The following PPP4R3A variants were observed in gnomAD, a reference collection of about 807,000 sequenced individuals.
PPP4R3A encodes serine/threonine-protein phosphatase 4 regulatory subunit 3A.
Under a neutral mutation model 91.7 loss-of-function variants are expected in PPP4R3A, and 15 were observed. That is an observed-to-expected ratio of 0.16 (90% confidence interval 0.11 to 0.25). PPP4R3A has a LOEUF of 0.25. PPP4R3A is among the 10% of genes least tolerant of loss of function. PPP4R3A has a pLI of 1.00. For missense variants in PPP4R3A, 623 were observed against 998.4 expected, an observed-to-expected ratio of 0.62 and a Z score of 5.07; for synonymous variants, 377 against 348.7, an observed-to-expected ratio of 1.08 and a Z score of -0.91.
intron 9 of PPP4R3A, among the ~76,000 whole-genome samples, chr14:91,472,064 C>CAAA (rs1567149453): frequency 2.5e-5 from 1 of 40,392 alleles, no homozygotes; most frequent in African/African-American, 1.0e-4. Flanking sequence ...GATTCTGTCT[C>CAAA]CAAAAAAAAA....
At chr14:91,471,401 T>C (rs891247704) in intron 9 of PPP4R3A, among the ~76,000 whole-genome samples, 1 of 152,314 alleles carries the variant, frequency 6.6e-6, no homozygotes, top group Non-Finnish European at 1.5e-5. Context: ...TTGGTGCAAT[T>C]ACTCTCTCTC....
In PPP4R3A at chr14:91,475,970, C is replaced by A. The variant is rs1364053395; in HGVS notation, c.1111-4G>T. On this transcript the variant is annotated splice_region_variant and splice_polypyrimidine_tract_variant and intron_variant, in intron 6 of 14. Coordinates refer to ENST00000554943, the MANE Select transcript of PPP4R3A (RefSeq NM_001366432.2). ...GCACCTGTGTATCATCCATGCCCTG[C>A]AGACAAAAAACATTTATTTTTCCTG... 1.3e-6 allele frequency: 2 copies of A among 1,495,526 alleles called. No individual in the cohort carries two copies. Among genetic ancestry groups the A allele is most frequent in the African/African-American group, 1.7e-5 (1 of 59,378 alleles). 92.6% of individuals were successfully genotyped at this position (1,495,526 alleles called of 1,614,324 possible). A position where few individuals can be genotyped will look rare whatever the true frequency, so the allele number is the denominator to read the frequency against.
At chr14:91,461,955 A>G in intron 13 of PPP4R3A, 94 bp downstream of exon 13, 2 of 1,417,530 alleles carry the variant, frequency 1.4e-6, no homozygotes, top group Non-Finnish European at 1.8e-6. Context: ...ATGCCATCAC[A>G]CCTTCCAAGC....
At chr14:91,468,698 GAA>G (rs1222506643) in intron 10 of PPP4R3A, among the ~76,000 whole-genome samples, 16 of 98,266 alleles carry the variant, frequency 1.6e-4, no homozygotes, top group African/African-American at 6.4e-4. Context: ...AAGGAAAAAA[GAA>G]AAAAAAGACC....
chr14:91,495,328 G>GTGTGTGTGTT (rs1325831512), intron 1 of PPP4R3A, among the ~76,000 whole-genome samples: 1 of 150,788 alleles, frequency 6.6e-6, no homozygotes, highest in African/African-American at 2.4e-5. Context: ...GTGTGTGTAT[G>GTGTGTGTGTT]TTTTTTTTTA....
chr14:91,509,035 G>T lies in PPP4R3A; in HGVS notation c.142+471C>A, dbSNP rs528494646. Among the ~76,000 whole-genome samples the T allele has an allele frequency of 3.6e-4, 55 of 152,156 alleles. No homozygotes were observed. The South Asian group carries it at 0.011, about 30-fold the overall frequency. On this transcript the variant is annotated intron_variant, in intron 1 of 14. Transcript: ENST00000554943. Reference sequence around the variant, plus strand: ...CATGTAGCAAAAAGATGTTTAAAAAGAAAAACAAAAAAAGCACAGCAAAAC... The same window carrying T: ...CATGTAGCAAAAAGATGTTTAAAAATAAAAACAAAAAAAGCACAGCAAAAC...
chr14:91,476,049 CAT>C lies in PPP4R3A; in HGVS notation c.1111-85_1111-84del, dbSNP rs1413673433. 2.7e-5 allele frequency: 37 copies of C among 1,363,880 alleles called. No individual in the cohort carries two copies. In the East Asian group the frequency reaches 3.6e-4, roughly 13 times the overall value. 84.5% of individuals were successfully genotyped at this position (1,363,880 alleles called of 1,614,324 possible). A position where few individuals can be genotyped will look rare whatever the true frequency, so the allele number is the denominator to read the frequency against. On this transcript the variant is annotated intron_variant, in intron 6 of 14. Coordinates refer to ENST00000554943, the MANE Select transcript of PPP4R3A (RefSeq NM_001366432.2). ...ATGTAAATATCCAAACCTAACAAAA[CAT>C]ATGAAAAAACTTCAATGTAAAAGAA...
chr14:91,458,967 A>AG, intron 14 of PPP4R3A, 98 bp from the exon 15 acceptor site: 1 of 1,344,750 alleles, frequency 7.4e-7, no homozygotes, highest in Non-Finnish European at 1.0e-6. Context: ...CTACCAACAT[A>AG]GTAACGGTGG....
Position 91,477,003 on chromosome 14 carries a change from A to G in PPP4R3A, c.916-17T>C, listed in dbSNP as rs1308781194. The G allele has an allele frequency of 6.4e-7, 1 of 1,570,144 alleles. No individual in the cohort carries two copies. Among genetic ancestry groups the G allele is most frequent in the Admixed American group, 1.8e-5 (1 of 55,608 alleles). On this transcript the variant is annotated splice_polypyrimidine_tract_variant and intron_variant, in intron 4 of 14. Transcript: ENST00000554943. ...TTCATCTTCCTGTGAAACAAAGGAC[A>G]AATGCAATTATGTTAATGCTAAGAT...
intron 14 of PPP4R3A, among the ~76,000 whole-genome samples, chr14:91,460,924 T>G (rs553993351): frequency 6.6e-6 from 1 of 152,336 alleles, no homozygotes; most frequent in South Asian, 2.1e-4. Flanking sequence ...CAGCCCTTGT[T>G]CATTTCTTAT....
At chr14:91,462,369 T>TA in intron 12 of PPP4R3A, 130 bp from the exon 13 acceptor site, 2 of 971,934 alleles carry the variant, frequency 2.1e-6, no homozygotes, top group Non-Finnish European at 2.8e-6. Context: ...TCAATGTAAA[T>TA]CCAGGTATTT....
In PPP4R3A at chr14:91,460,637, CTTTTTTTTTTT is replaced by C. The variant is rs573677740; in HGVS notation, c.2391+733_2391+743del. Among the ~76,000 whole-genome samples the C allele has an allele frequency of 3.6e-5, 4 of 111,282 alleles. No homozygotes were observed. The Admixed American group carries it at 4.3e-4, about 12-fold the overall frequency. 73.0% of individuals were successfully genotyped at this position (111,282 alleles called of 152,430 possible). A position where few individuals can be genotyped will look rare whatever the true frequency, so the allele number is the denominator to read the frequency against. ...TACATTTTTTCTTAAGATTTTGTTC[CTTTTTTTTTTT>C]TTTTTTTTGAGATGGAGTCTCGCTG... On this transcript the variant is annotated intron_variant, in intron 14 of 14. Coordinates refer to ENST00000554943, the MANE Select transcript of PPP4R3A (RefSeq NM_001366432.2).
At chr14:91,468,360 T>C (rs902115643) in intron 10 of PPP4R3A, among the ~76,000 whole-genome samples, 1 of 152,162 alleles carries the variant, frequency 6.6e-6, no homozygotes, top group African/African-American at 2.4e-5. Context: ...TCAGCTGCAT[T>C]GTCCTGACTC....
chr14:91,467,780 TAAG>T (rs1199560893), intron 10 of PPP4R3A, among the ~76,000 whole-genome samples: 1 of 152,176 alleles, frequency 6.6e-6, no homozygotes, highest in African/African-American at 2.4e-5. Context: ...GTATAATAAT[TAAG>T]CAGCAGCAAA....
At chr14:91,485,468 TTA>T (rs1889826411) in intron 3 of PPP4R3A, among the ~76,000 whole-genome samples, 162 bp downstream of exon 3, 1 of 152,204 alleles carries the variant, frequency 6.6e-6, no homozygotes, top group African/African-American at 2.4e-5. Context: ...GCTAGAGAGT[TTA>T]GTGTCAATAA....
rs1375628458 is a variant in PPP4R3A at position 91,485,488 on chromosome 14, C to T, written c.297+144G>A. The T allele has an allele frequency of 7.9e-6, 5 of 635,002 alleles. No individual in the cohort carries two copies. In the South Asian group the frequency reaches 8.2e-5, roughly 10 times the overall value. The allele number at this position is 635,002 out of a possible 1,614,324, so 39.3% of individuals were successfully genotyped here. On this transcript the variant is annotated intron_variant, in intron 3 of 14. Transcript: ENST00000554943. ...AGAGTTTAGTGTCAATAAATTACAC[C>T]TTCCTTTAAATCAAGTTCAAAGACA...
At chr14:91,459,702 G>A (rs2140058145) in intron 14 of PPP4R3A, among the ~76,000 whole-genome samples, 1 of 151,872 alleles carries the variant, frequency 6.6e-6, no homozygotes, top group East Asian at 2.0e-4. Flanking sequence ...AGGTGTGGTG[G>A]TGCACATCTG....
At chr14:91,485,803 A>G in intron 2 of PPP4R3A, 73 bp from the exon 3 acceptor site, 1 of 1,009,090 alleles carries the variant, frequency 9.9e-7, no homozygotes, top group Non-Finnish European at 1.4e-6. Context: ...ACAAAAGGAA[A>G]TAAAACTGTG....
intron 2 of PPP4R3A, among the ~76,000 whole-genome samples, chr14:91,490,094 G>T (rs1890147595): frequency 6.6e-6 from 1 of 152,178 alleles, no homozygotes; most frequent in South Asian, 2.1e-4. Flanking sequence ...GACTTCATTG[G>T]CTATATAGAG....
Sources: gnomAD v4.1 joint callset for allele counts (sites outside exome capture counted in the v4.1 genomes callset) on GRCh38, gnomAD v4.1.1 for gene constraint, MANE v1.5 for transcripts, NCBI Gene and HGNC (gene_info 2026-07-23, HGNC 2026-07-21) for gene names.